Variants in GRM8 observed in about 807,000 individuals in gnomAD.
The protein encoded by GRM8 is metabotropic glutamate receptor 8.
Under a neutral mutation model 87.2 loss-of-function variants are expected in GRM8, and 47 were observed. The ratio of observed to expected loss-of-function variants is 0.54; its 90% CI spans 0.43 to 0.69. The LOEUF is 0.69. Among genes scored for constraint, GRM8 ranks in the 30% least tolerant of loss-of-function variants. The pLI is 0.00. For missense variants in GRM8, 1,019 were observed against 1,139.2 expected (o/e 0.89, Z 1.52); for synonymous variants, 396 against 404.5 (o/e 0.98, Z 0.25).
intron 7 of GRM8, among the ~76,000 whole-genome samples, chr7:126,733,658 T>C (rs73226948): frequency 0.035 from 5,291 of 152,062 alleles, 177 homozygotes; most frequent in Admixed American, 0.084. Context: ...ATAAACGCAT[T>C]AATAACGGAC....
intron 6 of GRM8, among the ~76,000 whole-genome samples, chr7:126,836,198 C>G (rs553765558): frequency 2.6e-5 from 4 of 151,948 alleles, no homozygotes; most frequent in Non-Finnish European, 5.9e-5. Flanking sequence ...TAAGTCCTCT[C>G]GAAGGTTAAA....
At chr7:126,774,198 T>C (rs1030922373) in intron 6 of GRM8, among the ~76,000 whole-genome samples, 1 of 152,144 alleles carries the variant, frequency 6.6e-6, no homozygotes, top group Admixed American at 6.6e-5. Flanking sequence ...GTTTAGACAA[T>C]GTATTTTTCT....
At position 126,447,440 on chromosome 7, in the gene GRM8, G is replaced by C. The variant is rs533490688; in HGVS notation, c.2431-1068C>G. Reference sequence around the variant, plus strand: ...GTCATATCTACGACCCTCATTAATAGATCTGTTCACTCTATTTACATCTCT... The same window carrying C: ...GTCATATCTACGACCCTCATTAATACATCTGTTCACTCTATTTACATCTCT... On this transcript the variant is annotated intron_variant, in intron 9 of 10. Coordinates refer to ENST00000339582, the MANE Select transcript of GRM8 (RefSeq NM_000845.3). 2.6e-5 allele frequency among the ~76,000 whole-genome samples: 4 copies of C among 151,874 alleles called. No homozygotes were observed. In the South Asian group the frequency reaches 8.3e-4, roughly 32 times the overall value.
chr7:126,487,227 T>C (rs928788363), intron 9 of GRM8, among the ~76,000 whole-genome samples: 1 of 152,022 alleles, frequency 6.6e-6, no homozygotes, highest in African/African-American at 2.4e-5. Flanking sequence ...ATTTAATCTA[T>C]AAGTTGTTTT....
intron 6 of GRM8, among the ~76,000 whole-genome samples, chr7:126,849,627 G>A (rs549751250): frequency 3.2e-4 from 48 of 152,120 alleles, no homozygotes; most frequent in Middle Eastern, 3.4e-3. Context: ...ATTTCCTTCC[G>A]TCTCTTCAAA....
intron 3 of GRM8, among the ~76,000 whole-genome samples, chr7:127,044,242 C>T (rs1818716325): frequency 6.6e-6 from 1 of 152,156 alleles, no homozygotes; most frequent in Non-Finnish European, 1.5e-5. Flanking sequence ...CACAGACACA[C>T]ACCCTCTCTC....
intron 7 of GRM8, among the ~76,000 whole-genome samples, chr7:126,732,418 G>T (rs765224968): frequency 6.6e-5 from 10 of 152,150 alleles, no homozygotes; most frequent in African/African-American, 1.9e-4. Flanking sequence ...TTTGAATTTT[G>T]CATCTTGTGT....
At chr7:127,021,835 G>A (rs908599523) in intron 3 of GRM8, among the ~76,000 whole-genome samples, 1 of 152,068 alleles carries the variant, frequency 6.6e-6, no homozygotes, top group African/African-American at 2.4e-5. Flanking sequence ...ATTAGATTCA[G>A]ATTAGAAAGG....
At chr7:127,134,747 T>G (rs1827860756) in intron 2 of GRM8, among the ~76,000 whole-genome samples, 1 of 152,134 alleles carries the variant, frequency 6.6e-6, no homozygotes, top group South Asian at 2.1e-4. Context: ...CAAAAAAAGT[T>G]AAGATCTTAA....
intron 3 of GRM8, among the ~76,000 whole-genome samples, chr7:127,006,374 A>G (rs1449046833): frequency 6.6e-6 from 1 of 151,962 alleles, no homozygotes; most frequent in East Asian, 1.9e-4. Context: ...CTCACCTTGC[A>G]AAGCAAACAA....
intron 6 of GRM8, among the ~76,000 whole-genome samples, chr7:126,797,914 T>C (rs759781373): frequency 2.6e-5 from 4 of 152,164 alleles, no homozygotes; most frequent in African/African-American, 7.2e-5. Context: ...CCATTAAAAG[T>C]AAGATGGAGA....
chr7:127,183,979 A>C (rs554894543), intron 2 of GRM8, among the ~76,000 whole-genome samples: 27 of 152,082 alleles, frequency 1.8e-4, no homozygotes, highest in African/African-American at 6.5e-4. Flanking sequence ...AAAAGTAGAT[A>C]ATCTGAAGAG....
chr7:127,097,109 A>G (rs1586991707), intron 3 of GRM8, among the ~76,000 whole-genome samples: 1 of 152,294 alleles, frequency 6.6e-6, no homozygotes, highest in East Asian at 1.9e-4. Flanking sequence ...GAAAAAACAC[A>G]TGCTGATAGA....
chr7:127,117,513 T>C (rs1379723777), intron 2 of GRM8, among the ~76,000 whole-genome samples: 1 of 152,214 alleles, frequency 6.6e-6, no homozygotes, highest in African/African-American at 2.4e-5. Context: ...AATCTCTGAT[T>C]ATTCTTCAAA....
intron 7 of GRM8, among the ~76,000 whole-genome samples, chr7:126,624,373 T>C (rs1020473768): frequency 6.6e-6 from 1 of 152,186 alleles, no homozygotes; most frequent in Non-Finnish European, 1.5e-5. Flanking sequence ...CTTCCCGACT[T>C]GATCTTCTGA....
At chr7:126,514,065 A>C (rs1405091736) in intron 9 of GRM8, among the ~76,000 whole-genome samples, 1 of 152,128 alleles carries the variant, frequency 6.6e-6, no homozygotes, top group Non-Finnish European at 1.5e-5. Context: ...CTGCTTACCT[A>C]TTATATTGTC....
At chr7:127,234,399 G>A (rs1449464571) in intron 2 of GRM8, among the ~76,000 whole-genome samples, 1 of 152,110 alleles carries the variant, frequency 6.6e-6, no homozygotes, top group Non-Finnish European at 1.5e-5. Flanking sequence ...TACTTAATAA[G>A]GAACACAACT....
intron 6 of GRM8, among the ~76,000 whole-genome samples, chr7:126,826,843 G>A (rs1794852303): frequency 1.3e-5 from 2 of 152,090 alleles, no homozygotes; most frequent in African/African-American, 4.8e-5. Flanking sequence ...GGTTTTTATG[G>A]TTTTAGGTCT....
chr7:126,479,692 C>T (rs544320932), intron 9 of GRM8, among the ~76,000 whole-genome samples: 6 of 152,008 alleles, frequency 3.9e-5, no homozygotes, highest in African/African-American at 1.2e-4. Context: ...CATTAATGTA[C>T]GGATTTTTAT....
Sources: allele counts gnomAD v4.1 joint callset (sites outside exome capture counted in the v4.1 genomes callset), GRCh38; gene constraint gnomAD v4.1.1; transcripts MANE v1.5; gene names NCBI Gene and HGNC (gene_info 2026-07-23, HGNC 2026-07-21).